Variants in SLC22A16 observed in about 807,000 individuals in gnomAD.
SLC22A16 encodes the protein WUGSC:RG331P03.1.
A neutral mutation model predicts 52.9 loss-of-function variants in SLC22A16; 53 were observed. The ratio of observed to expected loss-of-function variants is 1.00; its 90% CI spans 0.80 to 1.26. The LOEUF is 1.26. Among genes scored for constraint, SLC22A16 ranks in the 50% most tolerant of loss-of-function variants. SLC22A16 has a pLI of 0.00. For missense variants in SLC22A16, 726 were observed against 704.0 expected, an observed-to-expected ratio of 1.03 and a Z score of -0.35; for synonymous variants, 291 against 268.8, an observed-to-expected ratio of 1.08 and a Z score of -0.81.
chr6:110,450,329 C>T (rs1165902235), intron 2 of SLC22A16, among the ~76,000 whole-genome samples: 2 of 151,920 alleles, frequency 1.3e-5, no homozygotes, highest in African/African-American at 4.8e-5. Context: ...AAGCATTTAC[C>T]GGCTGGGCAT....
chr6:110,449,049 A>G (rs1185743944), intron 2 of SLC22A16, among the ~76,000 whole-genome samples: 5 of 152,168 alleles, frequency 3.3e-5, no homozygotes, highest in African/African-American at 1.2e-4. Flanking sequence ...CCCTTGACAG[A>G]TATATCAGAA....
intron 4 of SLC22A16, among the ~76,000 whole-genome samples, chr6:110,441,904 C>T (rs1043076035): frequency 6.6e-6 from 1 of 152,190 alleles, no homozygotes; most frequent in Non-Finnish European, 1.5e-5. Flanking sequence ...GACATGGGTA[C>T]ATTCTCAGGA....
chr6:110,456,632 C>T lies in SLC22A16; in HGVS notation c.439G>A (p.Val147Ile), dbSNP rs1196854931. The change falls in exon 2 of 8, where the codon GTC becomes ATC. Residue 147 changes from valine to isoleucine, a missense_variant. By Grantham distance (29) the Val-to-Ile change is conservative (BLOSUM62 3). Transcript: ENST00000368919. ...ATTGCAAGCCATTTTCGGTCACAGA[C>T]CAGGTTCCACTGGGTCACCGCAGTG... Reference protein sequence around the residue: ...KSTAVTQWNLVCDRKWLAMLI... With the variant: ...KSTAVTQWNLICDRKWLAMLI... The T allele has an allele frequency of 6.2e-7, 1 of 1,614,056 alleles. No individual in the cohort carries two copies. Among genetic ancestry groups the T allele is most frequent in the African/African-American group, 1.3e-5 (1 of 74,924 alleles).
At chr6:110,467,509 G>C (rs999946303) in intron 1 of SLC22A16, among the ~76,000 whole-genome samples, 1 of 152,186 alleles carries the variant, frequency 6.6e-6, no homozygotes, top group Admixed American at 6.5e-5. Flanking sequence ...AGTCACTTTA[G>C]TATCTCCTGT....
intron 6 of SLC22A16, among the ~76,000 whole-genome samples, chr6:110,432,716 C>T: frequency 6.6e-6 from 1 of 152,206 alleles, no homozygotes; most frequent in East Asian, 1.9e-4. Flanking sequence ...AACTAGTCTC[C>T]ACCATTGTCA....
intron 2 of SLC22A16, among the ~76,000 whole-genome samples, chr6:110,454,595 TTA>T (rs1264024838): frequency 6.1e-5 from 6 of 97,720 alleles, no homozygotes; most frequent in African/African-American, 1.7e-4. Context: ...TAATATATAT[TTA>T]TATATATTAT....
chr6:110,444,561 T>G (rs1489194909), intron 3 of SLC22A16, among the ~76,000 whole-genome samples: 1 of 152,108 alleles, frequency 6.6e-6, no homozygotes, highest in African/African-American at 2.4e-5. Context: ...CCTCACTGCT[T>G]TTAAAGACTT....
chr6:110,454,119 G>A (rs1354648504), intron 2 of SLC22A16, among the ~76,000 whole-genome samples: 1 of 152,096 alleles, frequency 6.6e-6, no homozygotes, highest in African/African-American at 2.4e-5. Context: ...CGCCACACTG[G>A]GGATCAAATT....
At chr6:110,439,135 G>C (rs1318961554) in intron 4 of SLC22A16, among the ~76,000 whole-genome samples, 1 of 152,198 alleles carries the variant, frequency 6.6e-6, no homozygotes, top group African/African-American at 2.4e-5. Flanking sequence ...ACTGTCTCAG[G>C]AGATAAAAAC....
intron 2 of SLC22A16, among the ~76,000 whole-genome samples, chr6:110,455,235 G>A (rs1421396813): frequency 1.3e-5 from 2 of 151,530 alleles, no homozygotes; most frequent in Non-Finnish European, 2.9e-5. Context: ...TACAGCAAAT[G>A]TATTTTAGTA....
At chr6:110,429,162 C>T (rs199557660) in intron 7 of SLC22A16, among the ~76,000 whole-genome samples, 1 of 151,992 alleles carries the variant, frequency 6.6e-6, no homozygotes, top group East Asian at 1.9e-4. Flanking sequence ...ATAAGGAAAA[C>T]AAGTGCTAGC....
chr6:110,453,543 T>A (rs953899342), intron 2 of SLC22A16: 1 of 447,166 alleles, frequency 2.2e-6, no homozygotes, highest in South Asian at 1.6e-5. Context: ...TAGCAAGCAG[T>A]AGGGCAGCAG....
intron 1 of SLC22A16, among the ~76,000 whole-genome samples, chr6:110,460,010 T>C (rs1182013318): frequency 6.6e-6 from 1 of 152,156 alleles, no homozygotes. Context: ...ATTATTTAGA[T>C]TGAAAACAGA....
intron 2 of SLC22A16, 82 bp downstream of exon 2, chr6:110,456,456 A>G: frequency 6.6e-7 from 1 of 1,506,190 alleles, no homozygotes; most frequent in Non-Finnish European, 9.0e-7. Flanking sequence ...CAAGTTTTAA[A>G]CATAATTCCT....
At chr6:110,442,829 G>T in intron 3 of SLC22A16, 54 bp from the exon 4 acceptor site, 1 of 1,532,114 alleles carries the variant, frequency 6.5e-7, no homozygotes, top group Non-Finnish European at 8.9e-7. Flanking sequence ...TAACTATTGA[G>T]GAGTCTGACC....
chr6:110,466,168 C>A (rs2428192), intron 1 of SLC22A16, among the ~76,000 whole-genome samples: 19,211 of 152,110 alleles, frequency 0.13, 1,557 homozygotes, highest in Admixed American at 0.23. Context: ...AATGTAAGAC[C>A]TGACACTCAA....
Position 110,473,196 on chromosome 6 carries a change from C to T in SLC22A16, c.53+3326G>A, listed in dbSNP as rs145242246. ...TTCACACACTGAAGTCAAAAAAGAG[C>T]CAGAAAAACTCTATATACTGAAACA... On this transcript the variant is annotated intron_variant, in intron 1 of 7. Transcript: ENST00000368919. Among the ~76,000 whole-genome samples, 14 of 152,208 alleles carry T rather than the reference C, an allele frequency of 9.2e-5. No individual in the cohort carries two copies. In the East Asian group the frequency reaches 2.5e-3, roughly 27 times the overall value.
At chr6:110,476,242 C>A in intron 1 of SLC22A16, 1 of 885,230 alleles carries the variant, frequency 1.1e-6, no homozygotes. Flanking sequence ...CATCTGCTGC[C>A]GCGGAGAGCA....
rs182786437 is a variant in SLC22A16, at chr6:110,436,413, C to T, written c.1312-452G>A. On this transcript the variant is annotated intron_variant, in intron 5 of 7. Coordinates refer to ENST00000368919, the MANE Select transcript of SLC22A16 (RefSeq NM_033125.4). ...GCTGAGGCAGGAGAATCACTTGAGG[C>T]CAAGAGTTTTAGACCAGCCAGGGCA... 1.3e-3 allele frequency among the ~76,000 whole-genome samples: 197 copies of T among 152,192 alleles called. 1 individual carries two copies. The highest frequency in any genetic ancestry group is 2.1e-3 in the Non-Finnish European group (142 of 67,998).
Sources: gnomAD v4.1 joint callset for allele counts (sites outside exome capture counted in the v4.1 genomes callset) on GRCh38, gnomAD v4.1.1 for gene constraint, MANE v1.5 for transcripts, NCBI Gene and HGNC (gene_info 2026-07-23, HGNC 2026-07-21) for gene names.